The following MASP1 variants were observed in gnomAD, a reference collection of about 807,000 sequenced individuals.
MASP1 encodes the protein mannan-binding lectin serine protease 1.
Under a neutral mutation model 77.1 loss-of-function variants are expected in MASP1, and 59 were observed. That is an observed-to-expected ratio of 0.77 (90% CI 0.62 to 0.95). The LOEUF (loss-of-function observed/expected upper bound fraction) is 0.95, where lower values mean the gene tolerates loss of function less well. Ranked by LOEUF, MASP1 falls within the 40% of genes least tolerant of loss-of-function variation. The probability of loss-of-function intolerance (pLI) is 0.00; values close to 1 mark genes in which losing one functional copy is unlikely to be tolerated. For synonymous variants in MASP1, 362 were observed against 354.5 expected (o/e 1.02, Z -0.24); for missense variants, 885 against 912.9 (o/e 0.97, Z 0.39).
intron 15 of MASP1, chr3:187,220,900 C>G: frequency 1.4e-6 from 1 of 702,588 alleles, no homozygotes; most frequent in Admixed American, 2.0e-5. Context: ...ATCCCTCCTC[C>G]CACGGCCTTC....
intron 6 of MASP1, among the ~76,000 whole-genome samples, chr3:187,252,529 A>C (rs1714703780): frequency 6.6e-6 from 1 of 152,204 alleles, no homozygotes; most frequent in Non-Finnish European, 1.5e-5. Context: ...GCATCTGAGC[A>C]GTGTATGTGA....
At chr3:187,237,969 A>T (rs1713315932) in intron 10 of MASP1, among the ~76,000 whole-genome samples, 1 of 152,182 alleles carries the variant, frequency 6.6e-6, no homozygotes, top group South Asian at 2.1e-4. Flanking sequence ...GCACCCTGCC[A>T]TTCACCCCAG....
At chr3:187,276,082 T>C (rs2108592536) in intron 2 of MASP1, among the ~76,000 whole-genome samples, 1 of 117,502 alleles carries the variant, frequency 8.5e-6, no homozygotes, top group South Asian at 3.4e-4. Flanking sequence ...GGGCACTGAA[T>C]GTTCCCTCTG....
chr3:187,219,919 G>T lies in MASP1; in HGVS notation c.*152C>A, dbSNP rs561238599. 7 of 750,400 alleles carry T rather than the reference G, an allele frequency of 9.3e-6. No individual in the cohort carries two copies. The African/African-American group carries it at 1.0e-4, about 11-fold the overall frequency. The allele number at this position is 750,400 out of a possible 1,614,324, so 46.5% of individuals were successfully genotyped here. A position where few individuals can be genotyped will look rare whatever the true frequency, so the allele number is the denominator to read the frequency against. ...CCATCTCTTTAAAGAGAGTGAAAAG[G>T]GGGTGAAGATACCTGCTCTATTGCC... On this transcript the variant is annotated 3_prime_UTR_variant, in exon 16 of 16. Coordinates refer to the MASP1 transcript ENST00000337774.
intron 14 of MASP1, chr3:187,223,002 G>A: frequency 1.2e-6 from 1 of 802,718 alleles, no homozygotes; most frequent in Non-Finnish European, 2.2e-6. Context: ...GTGGGTCTGG[G>A]CTCCTAGTTT....
intron 2 of MASP1, among the ~76,000 whole-genome samples, chr3:187,278,349 CGTT>C (rs1221899806): frequency 6.6e-6 from 1 of 152,128 alleles, no homozygotes; most frequent in Non-Finnish European, 1.5e-5. Context: ...GTGAGGAAGA[CGTT>C]GTATTCATTA....
chr3:187,250,938 G>C (rs1212881381), intron 7 of MASP1, among the ~76,000 whole-genome samples: 6 of 152,124 alleles, frequency 3.9e-5, no homozygotes, highest in Admixed American at 3.9e-4. Context: ...GGGGGTGGGA[G>C]AGTGAGGGGA....
chr3:187,236,514 C>T lies in MASP1; in HGVS notation c.1357G>A (p.Gly453Ser). ...LPSLVKRIIG[G>S]RNAEPGLFPW... ...AAGAGGCCAGGCTCAGCATTTCGGC[C>T]CCCAATGATCCTCTTGACCAGGCTT... The change falls in exon 11 of 11, where the codon GGC becomes AGC. Residue 453 changes from glycine (G) to serine (S), a missense_variant. Transcript: ENST00000296280. 6.2e-7 allele frequency: 1 copy of T among 1,613,984 alleles called. No individual in the cohort carries two copies. Among genetic ancestry groups the T allele is most frequent in the South Asian group, 1.1e-5 (1 of 91,078 alleles).
intron 5 of MASP1, among the ~76,000 whole-genome samples, chr3:187,254,065 C>T (rs1027100579): frequency 2.6e-5 from 4 of 152,090 alleles, no homozygotes; most frequent in African/African-American, 9.7e-5. Flanking sequence ...GGGCAGAGTG[C>T]TGTCTGGTGC....
Position 187,256,684 on chromosome 3 carries a change from A to C in MASP1, c.724T>G (p.Cys242Gly). The C allele has an allele frequency of 1.9e-6, 3 of 1,614,026 alleles. No homozygotes were observed. Among genetic ancestry groups the C allele is most frequent in the Non-Finnish European group, 2.5e-6 (3 of 1,180,028 alleles). Residue 242 changes from cysteine (C) to glycine (G), a missense_variant, in exon 5 of 11, where the codon TGC (cysteine) becomes GGC (glycine). Coordinates refer to ENST00000296280, the MANE Select transcript of MASP1 (RefSeq NM_139125.4). The part of the protein sequence containing the change: ...FDIEDHPEVP[C>G]PYDYIKIKVG... Reference sequence around the variant, plus strand: ...CTCACCTTGATGTAGTCATAGGGGCAGGGCACCTCAGGATGGTCCTCAATG... The same window carrying C: ...CTCACCTTGATGTAGTCATAGGGGCCGGGCACCTCAGGATGGTCCTCAATG...
intron 8 of MASP1, among the ~76,000 whole-genome samples, chr3:187,247,866 C>G (rs1714229575): frequency 6.6e-6 from 1 of 152,244 alleles, no homozygotes; most frequent in Non-Finnish European, 1.5e-5. Flanking sequence ...AGCCCTTTCT[C>G]TATCACTGTT....
At chr3:187,248,703 C>T (rs933462489) in intron 8 of MASP1, among the ~76,000 whole-genome samples, 29 of 152,252 alleles carry the variant, frequency 1.9e-4, no homozygotes, top group East Asian at 9.6e-4. Flanking sequence ...TTGTCTTTTC[C>T]GTCCGACTTC....
At chr3:187,231,940 GAGA>G (rs1032435310), downstream of MASP1, among the ~76,000 whole-genome samples, 6 of 152,370 alleles carry the variant, frequency 3.9e-5, no homozygotes, top group South Asian at 4.1e-4. Context: ...CTGGGAGACT[GAGA>G]AGGCTGGAGA....
intron 2 of MASP1, among the ~76,000 whole-genome samples, chr3:187,270,393 C>T (rs1340228335): frequency 6.6e-6 from 1 of 152,128 alleles, no homozygotes; most frequent in Non-Finnish European, 1.5e-5. Flanking sequence ...CTCCACCATC[C>T]CCACGGGTGC....
chr3:187,282,213 A>G (rs1373273696), intron 2 of MASP1, among the ~76,000 whole-genome samples: 1 of 152,192 alleles, frequency 6.6e-6, no homozygotes, highest in East Asian at 1.9e-4. Context: ...TTTCAAGAAG[A>G]AAATGTGGGC....
downstream of MASP1, among the ~76,000 whole-genome samples, chr3:187,230,970 G>A (rs1462647505): frequency 6.6e-6 from 1 of 152,170 alleles, no homozygotes; most frequent in Non-Finnish European, 1.5e-5. Context: ...CACCAGGCTG[G>A]AGAATATCAC....
chr3:187,219,642 TCTGCCTG>T, exon 16 of MASP1: 1 of 238,276 alleles, frequency 4.2e-6, no homozygotes, highest in South Asian at 5.9e-5. Flanking sequence ...GAGAGCTTCG[TCTGCCTG>T]GTAGACACAT....
intron 8 of MASP1, among the ~76,000 whole-genome samples, chr3:187,249,228 T>C (rs1258876014): frequency 2.0e-5 from 3 of 152,134 alleles, no homozygotes; most frequent in Non-Finnish European, 4.4e-5. Flanking sequence ...TGGCTAATTT[T>C]TGTATTTTTA....
chr3:187,224,197 A>C (rs545945005), intron 13 of MASP1, among the ~76,000 whole-genome samples: 4 of 152,196 alleles, frequency 2.6e-5, no homozygotes, highest in African/African-American at 4.8e-5. Flanking sequence ...GTATTATCTC[A>C]AACACGGAAA....
Sources: gnomAD v4.1 joint callset for allele counts (sites outside exome capture counted in the v4.1 genomes callset) on GRCh38, gnomAD v4.1.1 for gene constraint, MANE v1.5 for transcripts, NCBI Gene and HGNC (gene_info 2026-07-23, HGNC 2026-07-21) for gene names.